RGS10: variants seen among roughly 807,000 people sequenced by gnomAD.
The protein encoded by RGS10 is regulator of G-protein signalling 10.
A neutral mutation model predicts 23.5 loss-of-function variants in RGS10; 11 were observed. The ratio of observed to expected loss-of-function variants is 0.47; its 90% CI spans 0.29 to 0.77. The LOEUF (loss-of-function observed/expected upper bound fraction) is 0.77, where lower values mean the gene tolerates loss of function less well. Ranked by LOEUF, RGS10 falls within the 30% of genes least tolerant of loss-of-function variation. RGS10 has a pLI of 0.08. For missense variants in RGS10, 180 were observed against 226.3 expected (o/e 0.80, Z 1.31); for synonymous variants, 77 against 83.2 (o/e 0.92, Z 0.41).
chr10:119,509,343 C>CT (rs1844051429), intron 4 of RGS10, among the ~76,000 whole-genome samples: 1 of 152,068 alleles, frequency 6.6e-6, no homozygotes, highest in African/African-American at 2.4e-5. Context: ...AATCCCAACA[C>CT]TTTGGGAGGT....
At chr10:119,513,717 G>A (rs1589835450) in intron 4 of RGS10, among the ~76,000 whole-genome samples, 1 of 152,092 alleles carries the variant, frequency 6.6e-6, no homozygotes, top group South Asian at 2.1e-4. Flanking sequence ...CTTGGCTCCC[G>A]CAGTCCTGGG....
chr10:119,514,113 T>G (rs528111462), intron 4 of RGS10, among the ~76,000 whole-genome samples: 2 of 152,114 alleles, frequency 1.3e-5, no homozygotes, highest in South Asian at 4.2e-4. Flanking sequence ...CCCAGCACTC[T>G]GGGAGGCCGA....
chr10:119,537,608 A>G (rs954675863), intron 1 of RGS10, among the ~76,000 whole-genome samples: 3 of 152,164 alleles, frequency 2.0e-5, no homozygotes, highest in Non-Finnish European at 4.4e-5. Flanking sequence ...AAAAACACAG[A>G]GAAAGATGCC....
Position 119,524,601 on chromosome 10 carries a change from T to C in RGS10, c.255+1431A>G, listed in dbSNP as rs1430171359. On this transcript the variant is annotated intron_variant, in intron 3 of 4. Coordinates refer to ENST00000369103, the MANE Select transcript of RGS10 (RefSeq NM_001005339.2). The surrounding 1 kb of genome is among the most constrained non-coding windows in gnomAD (Gnocchi z 5.2). ...GAGACAAAGGACAACAATGAGGCTC[T>C]TGTTCTGAAGGCCCTCAGCCTGAAT... Among the ~76,000 whole-genome samples the C allele has an allele frequency of 6.6e-6, 1 of 152,124 alleles. No individual in the cohort carries two copies. Among genetic ancestry groups the C allele is most frequent in the Non-Finnish European group, 1.5e-5 (1 of 68,016 alleles).
At chr10:119,542,531 G>C in intron 1 of RGS10, 59 bp downstream of exon 1, 4 of 1,344,546 alleles carry the variant, frequency 3.0e-6, no homozygotes, top group Non-Finnish European at 3.8e-6. Flanking sequence ...GAGGGCAGGA[G>C]GCCGGGCGGG....
intron 1 of RGS10, among the ~76,000 whole-genome samples, chr10:119,535,232 G>A (rs1340754211): frequency 6.7e-6 from 1 of 149,856 alleles, no homozygotes; most frequent in African/African-American, 2.5e-5. Flanking sequence ...TCACACTTTG[G>A]GGAAAAAACA....
At chr10:119,513,821 C>G (rs1404124164) in intron 4 of RGS10, among the ~76,000 whole-genome samples, 1 of 152,162 alleles carries the variant, frequency 6.6e-6, no homozygotes, top group Non-Finnish European at 1.5e-5. Context: ...TGCCCAGGAG[C>G]CTGGCAGAGC....
chr10:119,500,916 G>T (rs774961709), intron 4 of RGS10, among the ~76,000 whole-genome samples: 5 of 152,114 alleles, frequency 3.3e-5, no homozygotes, highest in Non-Finnish European at 7.4e-5. Context: ...ACAACTCTAA[G>T]GTATGTCAGG....
intron 1 of RGS10, among the ~76,000 whole-genome samples, chr10:119,530,368 A>G (rs888232670): frequency 2.0e-5 from 3 of 152,158 alleles, no homozygotes; most frequent in African/African-American, 7.2e-5. Flanking sequence ...AGGATTTTAG[A>G]CATTCACCAG....
chr10:119,512,530 T>C (rs1179435066), intron 4 of RGS10, among the ~76,000 whole-genome samples: 3 of 144,588 alleles, frequency 2.1e-5, no homozygotes, highest in Non-Finnish European at 4.5e-5. Flanking sequence ...TTCGTGGATC[T>C]TTCTCTCTAT....
At chr10:119,508,797 C>T (rs138934279) in intron 4 of RGS10, among the ~76,000 whole-genome samples, 1 of 152,290 alleles carries the variant, frequency 6.6e-6, no homozygotes, top group Non-Finnish European at 1.5e-5. Flanking sequence ...AATTCAATAA[C>T]TTAAGATAAT....
chr10:119,534,582 C>G (rs568264647), intron 1 of RGS10, among the ~76,000 whole-genome samples: 6 of 84,520 alleles, frequency 7.1e-5, no homozygotes, highest in African/African-American at 9.5e-5. Context: ...CAGAGCGAGA[C>G]TCTGTCTCAA....
At chr10:119,531,635 T>G (rs1844330417) in intron 1 of RGS10, among the ~76,000 whole-genome samples, 1 of 152,022 alleles carries the variant, frequency 6.6e-6, no homozygotes, top group Admixed American at 6.6e-5. Flanking sequence ...CAGGCCCACC[T>G]CCCCCACCAC....
At position 119,499,836 on chromosome 10, in the gene RGS10, A is replaced by C; in HGVS notation, c.*277T>G. 3 of 322,628 alleles carry C rather than the reference A, an allele frequency of 9.3e-6. No homozygotes were observed. The highest frequency in any genetic ancestry group is 1.7e-5 in the Non-Finnish European group (3 of 175,180). The allele number at this position is 322,628 out of a possible 1,614,324, so 20.0% of individuals were successfully genotyped here. On this transcript the variant is annotated 3_prime_UTR_variant, in exon 5 of 5. Transcript: ENST00000369103. The stretch of plus-strand genomic sequence containing the variant: ...GATACGTTTCACCTTGTGGCCTTAC[A>C]TGAGGTTTAATTAAGCTACAAAATG...
chr10:119,537,973 C>T (rs929722819), intron 1 of RGS10, among the ~76,000 whole-genome samples: 6 of 152,206 alleles, frequency 3.9e-5, no homozygotes, highest in African/African-American at 1.2e-4. Flanking sequence ...ACAACCTCTA[C>T]AAGATTCTGT....
At position 119,530,978 on chromosome 10, in the gene RGS10, T is replaced by C. The variant is rs564962849; in HGVS notation, c.50-3554A>G. Among the ~76,000 whole-genome samples, 7 of 152,356 alleles carry C rather than the reference T, an allele frequency of 4.6e-5. No homozygotes were observed. The East Asian group carries it at 1.3e-3, about 29-fold the overall frequency. Reference sequence around the variant, plus strand: ...ACTTAAACACATCACCAAATGGAGCTGATGCTTTTCTAAAGTGACCCTCCA... The same window carrying C: ...ACTTAAACACATCACCAAATGGAGCCGATGCTTTTCTAAAGTGACCCTCCA... On this transcript the variant is annotated intron_variant, in intron 1 of 4. Transcript: ENST00000369103.
At chr10:119,502,927 G>C (rs1843968265) in intron 4 of RGS10, among the ~76,000 whole-genome samples, 1 of 152,184 alleles carries the variant, frequency 6.6e-6, no homozygotes, top group Admixed American at 6.5e-5. Context: ...CAAAGCCCTC[G>C]TGCGCCTGGG....
intron 1 of RGS10, among the ~76,000 whole-genome samples, chr10:119,531,887 G>T (rs942980355): frequency 6.6e-6 from 1 of 152,114 alleles, no homozygotes; most frequent in African/African-American, 2.4e-5. Context: ...CATGAAATAC[G>T]TTAACAATTG....
At chr10:119,512,408 A>G (rs904046070) in intron 4 of RGS10, among the ~76,000 whole-genome samples, 1 of 141,702 alleles carries the variant, frequency 7.1e-6, no homozygotes, top group African/African-American at 3.1e-5. Context: ...CCGGAGAGAC[A>G]GAGTTTTCAA....
Sources: allele counts gnomAD v4.1 joint callset (sites outside exome capture counted in the v4.1 genomes callset), GRCh38; gene constraint gnomAD v4.1.1; non-coding constraint Gnocchi (gnomAD v3.1); transcripts MANE v1.5; gene names NCBI Gene and HGNC (gene_info 2026-07-23, HGNC 2026-07-21).